The following PDE1C variants were observed in gnomAD, a reference collection of about 807,000 sequenced individuals.
PDE1C encodes phosphodiesterase 1C, also known as dual specificity calcium/calmodulin-dependent 3',5'-cyclic nucleotide phosphodiesterase 1C.
A neutral mutation model predicts 93.1 loss-of-function variants in PDE1C; 62 were observed. The ratio of observed to expected loss-of-function variants is 0.67; its 90% CI spans 0.54 to 0.82. PDE1C has a LOEUF of 0.82. PDE1C is among the 40% of genes least tolerant of loss of function. The probability of loss-of-function intolerance (pLI) is 0.00; values close to 1 mark genes in which losing one functional copy is unlikely to be tolerated. For missense variants in PDE1C, 742 were observed against 884.6 expected (o/e 0.84, Z 2.04); for synonymous variants, 325 against 310.1 (o/e 1.05, Z -0.50).
chr7:31,643,118 C>T, the PDE1C span: 1 of 1,613,930 alleles, frequency 6.2e-7, no homozygotes, highest in Non-Finnish European at 8.5e-7. Flanking sequence ...TTTGTGAGGC[C>T]TGAGGGAGCT....
At chr7:31,742,923 C>T in the PDE1C span, among the ~76,000 whole-genome samples, 1 of 152,222 alleles carries the variant, frequency 6.6e-6, no homozygotes, top group Non-Finnish European at 1.5e-5. Flanking sequence ...TCAGTGCCTA[C>T]ATTCGCCCTC....
intron 1 of PDE1C, among the ~76,000 whole-genome samples, chr7:32,231,849 G>A (rs2128862790): frequency 6.6e-6 from 1 of 152,220 alleles, no homozygotes; most frequent in East Asian, 1.9e-4. Flanking sequence ...TTATCATTTA[G>A]CATGCTAAGG....
intron 2 of PDE1C, among the ~76,000 whole-genome samples, chr7:31,987,593 A>C (rs1783582320): frequency 6.6e-6 from 1 of 150,616 alleles, no homozygotes; most frequent in Non-Finnish European, 1.5e-5. Flanking sequence ...ACCCAGGTGA[A>C]ATGAAAGGCC....
exon 1 of PDE1C, chr7:32,299,282 C>T (rs1327435674): frequency 1.0e-6 from 1 of 986,578 alleles, no homozygotes. Flanking sequence ...GAAAGGCAAA[C>T]CCCTCAGCCA....
chr7:31,903,343 T>C (rs1800213755), intron 2 of PDE1C, among the ~76,000 whole-genome samples: 2 of 152,008 alleles, frequency 1.3e-5, no homozygotes, highest in Non-Finnish European at 2.9e-5. Flanking sequence ...TAGTAAATTA[T>C]AATTTATTTT....
the PDE1C span, among the ~76,000 whole-genome samples, chr7:31,678,153 A>T: frequency 2.0e-5 from 3 of 152,200 alleles, no homozygotes; most frequent in East Asian, 3.8e-4. Flanking sequence ...TAAAGGGGTG[A>T]CATCAGTTCT....
chr7:31,726,750 T>C, the PDE1C span, among the ~76,000 whole-genome samples: 1 of 152,214 alleles, frequency 6.6e-6, no homozygotes, highest in African/African-American at 2.4e-5. Context: ...TATTAAGATG[T>C]GGCCAGGCAC....
At chr7:32,164,855 C>T (rs886707448) in intron 3 of PDE1C, among the ~76,000 whole-genome samples, 8 of 152,110 alleles carry the variant, frequency 5.3e-5, no homozygotes, top group Non-Finnish European at 1.2e-4. Flanking sequence ...AGATTCCTGT[C>T]ACTAATCAGA....
chr7:31,735,515 G>A, the PDE1C span, among the ~76,000 whole-genome samples: 1 of 152,068 alleles, frequency 6.6e-6, no homozygotes, highest in Non-Finnish European at 1.5e-5. Context: ...GCATCTATCC[G>A]CTGGGGTCAG....
intron 1 of PDE1C, among the ~76,000 whole-genome samples, chr7:32,055,828 C>A (rs1331748857): frequency 2.6e-5 from 4 of 152,206 alleles, no homozygotes; most frequent in Non-Finnish European, 5.9e-5. Context: ...TCAAGCGATT[C>A]TCCTGCCTCA....
intron 2 of PDE1C, among the ~76,000 whole-genome samples, chr7:32,177,964 A>T (rs1480575430): frequency 6.6e-6 from 1 of 152,188 alleles, no homozygotes; most frequent in Non-Finnish European, 1.5e-5. Context: ...TTGAAGAGGG[A>T]GCATTTATCT....
intron 1 of PDE1C, among the ~76,000 whole-genome samples, chr7:32,230,589 CT>C (rs1807624369): frequency 1.3e-5 from 2 of 152,180 alleles, no homozygotes; most frequent in African/African-American, 4.8e-5. Flanking sequence ...AATCACTCAA[CT>C]GATCCTTCTT....
intron 17 of PDE1C, among the ~76,000 whole-genome samples, chr7:31,760,232 A>G (rs1357122513): frequency 6.6e-6 from 1 of 152,202 alleles, no homozygotes; most frequent in African/African-American, 2.4e-5. Flanking sequence ...GTTTCTCTCA[A>G]TTTTATTTGG....
chr7:31,956,488 T>G (rs1441892183), intron 2 of PDE1C, among the ~76,000 whole-genome samples: 1 of 149,872 alleles, frequency 6.7e-6, no homozygotes, highest in Non-Finnish European at 1.5e-5. Context: ...TTGTTCGTTT[T>G]GTTTTTTTTT....
intron 3 of PDE1C, among the ~76,000 whole-genome samples, chr7:32,168,386 G>A (rs918831424): frequency 2.0e-5 from 3 of 152,164 alleles, no homozygotes; most frequent in Non-Finnish European, 4.4e-5. Flanking sequence ...AATGGAGTTC[G>A]GTGAGCAAAT....
the PDE1C span, among the ~76,000 whole-genome samples, chr7:31,634,325 A>G: frequency 1.3e-5 from 2 of 152,256 alleles, no homozygotes; most frequent in African/African-American, 2.4e-5. Context: ...AGATTGAGTT[A>G]TAACAGATAA....
At chr7:31,729,143 G>A in the PDE1C span, among the ~76,000 whole-genome samples, 6 of 152,316 alleles carry the variant, frequency 3.9e-5, no homozygotes, top group South Asian at 2.1e-4. Flanking sequence ...AAACAAATGC[G>A]TAAGTTTTTA....
At chr7:32,343,051 G>A (rs984095775) in intron 1 of PDE1C, among the ~76,000 whole-genome samples, 8 of 152,132 alleles carry the variant, frequency 5.3e-5, no homozygotes, top group African/African-American at 1.4e-4. Context: ...AGTTACTCCC[G>A]AGTGTTGCCA....
intron 7 of PDE1C, among the ~76,000 whole-genome samples, chr7:31,851,918 C>T (rs144658301): frequency 2.8e-4 from 43 of 152,240 alleles, no homozygotes; most frequent in Non-Finnish European, 4.7e-4. Context: ...TTTAAGTTCC[C>T]ACTTAACTTT....
Sources: gnomAD v4.1 joint callset for allele counts (sites outside exome capture counted in the v4.1 genomes callset) on GRCh38, gnomAD v4.1.1 for gene constraint, MANE v1.5 for transcripts, NCBI Gene and HGNC (gene_info 2026-07-23, HGNC 2026-07-21) for gene names.